OR2I1: variants seen among roughly 807,000 people sequenced by gnomAD.
OR2I1 encodes the protein putative olfactory receptor 2I1.
the OR2I1 span, chr6:29,554,411 G>C: frequency 2.8e-6 from 1 of 352,742 alleles, no homozygotes. Context: ...TCCACGCGCA[G>C]GGAAAATGAT....
chr6:29,556,229 A>T, the OR2I1 span: 1 of 1,613,062 alleles, frequency 6.2e-7, no homozygotes, highest in Non-Finnish European at 8.5e-7. Context: ...GCCCAGCAAA[A>T]GAACCTGGTC....
chr6:29,556,245 C>T, the OR2I1 span: 94 of 1,612,986 alleles, frequency 5.8e-5, no homozygotes, highest in Admixed American at 8.3e-5. Flanking sequence ...TGGTCCTGCA[C>T]AGGAACCTTG....
chr6:29,552,083 C>T, the OR2I1 span, among the ~76,000 whole-genome samples: 1 of 152,194 alleles, frequency 6.6e-6, no homozygotes, highest in Non-Finnish European at 1.5e-5. Context: ...AAACTTTCAT[C>T]CATTACATAA....
At chr6:29,551,439 T>C in the OR2I1 span, among the ~76,000 whole-genome samples, 1 of 152,234 alleles carries the variant, frequency 6.6e-6, no homozygotes, top group Non-Finnish European at 1.5e-5. Flanking sequence ...AATGTGGCCT[T>C]GGGCAAGTAA....
chr6:29,554,857 G>A, the OR2I1 span: 2 of 152,250 alleles, frequency 1.3e-5, no homozygotes, highest in African/African-American at 4.8e-5. Flanking sequence ...AAGAGAGAGA[G>A]TCAGAGAGAG....
the OR2I1 span, chr6:29,556,173 C>T: frequency 6.2e-7 from 1 of 1,613,100 alleles, no homozygotes; most frequent in Non-Finnish European, 8.5e-7. Context: ...TTCTCTTTGT[C>T]AATGCCATAA....
At chr6:29,555,870 C>A in the OR2I1 span, 1 of 1,608,964 alleles carries the variant, frequency 6.2e-7, no homozygotes, top group East Asian at 2.2e-5. Flanking sequence ...ACACCCCATG[C>A]CCAGGGTGGT....
the OR2I1 span, chr6:29,555,945 T>A: frequency 6.2e-7 from 1 of 1,613,128 alleles, no homozygotes; most frequent in Non-Finnish European, 8.5e-7. Context: ...TAATCTGCCA[T>A]CATCTTCCCA....
At chr6:29,555,148 G>A in the OR2I1 span, 1 of 152,082 alleles carries the variant, frequency 6.6e-6, no homozygotes, top group Non-Finnish European at 1.5e-5. Flanking sequence ...TCTACCCCTA[G>A]GAATCCCCAC....
At chr6:29,555,816 G>C in the OR2I1 span, 5 of 1,318,312 alleles carry the variant, frequency 3.8e-6, no homozygotes, top group Non-Finnish European at 4.3e-6. Flanking sequence ...AGATGTGTTC[G>C]TTGAGTAAGA....
At chr6:29,555,046 C>G in the OR2I1 span, 61 of 152,484 alleles carry the variant, frequency 4.0e-4, no homozygotes, top group African/African-American at 1.3e-3. Context: ...CGCCCTCATC[C>G]TGGAGAAGAC....
chr6:29,557,142 G>A, the OR2I1 span: 1 of 152,152 alleles, frequency 6.6e-6, no homozygotes, highest in Non-Finnish European at 1.5e-5. Context: ...GGCTATAACA[G>A]GCAAAAGTTA....
the OR2I1 span, chr6:29,553,646 T>G: frequency 2.5e-5 from 10 of 398,304 alleles, no homozygotes; most frequent in Non-Finnish European, 4.0e-5. Flanking sequence ...TGTCGCACGC[T>G]GGCCAGCGCC....
the OR2I1 span, chr6:29,554,178 G>A: frequency 6.0e-5 from 24 of 398,730 alleles, no homozygotes; most frequent in Non-Finnish European, 4.4e-6. Context: ...TAGTTGGGGA[G>A]GGGAGAAAGT....
At chr6:29,556,047 A>C in the OR2I1 span, 1 of 1,613,044 alleles carries the variant, frequency 6.2e-7, no homozygotes, top group Non-Finnish European at 8.5e-7. Flanking sequence ...TGTGCCACTG[A>C]GCTGGACCTT....
chr6:29,556,397 T>TAG, the OR2I1 span: 1 of 1,439,512 alleles, frequency 6.9e-7, no homozygotes, highest in Non-Finnish European at 9.6e-7. Context: ...GCCTGCCTCC[T>TAG]TTACACTTCT....
At chr6:29,557,616 C>T in the OR2I1 span, 9 of 152,204 alleles carry the variant, frequency 5.9e-5, no homozygotes, top group African/African-American at 2.2e-4. Context: ...GATATGTATA[C>T]TTAGCAAACC....
chr6:29,552,511 A>T, the OR2I1 span, among the ~76,000 whole-genome samples: 8 of 152,180 alleles, frequency 5.3e-5, no homozygotes, highest in Non-Finnish European at 1.5e-5. Flanking sequence ...ATCAGTAATC[A>T]GCCGTATAAT....
At chr6:29,551,124 G>A in the OR2I1 span, among the ~76,000 whole-genome samples, 1 of 152,160 alleles carries the variant, frequency 6.6e-6, no homozygotes, top group Non-Finnish European at 1.5e-5. Context: ...TATTTGAAGA[G>A]GAATGGTTTA....
Sources: allele counts gnomAD v4.1 joint callset (sites outside exome capture counted in the v4.1 genomes callset), GRCh38; gene constraint gnomAD v4.1.1; transcripts MANE v1.5; gene names NCBI Gene and HGNC (gene_info 2026-07-23, HGNC 2026-07-21).